Variants in IQGAP2 observed in about 807,000 individuals in gnomAD.
IQGAP2 encodes the protein ras GTPase-activating-like protein IQGAP2.
IQGAP2 carries 173 observed loss-of-function variants against 201.3 expected under a neutral mutation model. The ratio of observed to expected loss-of-function variants is 0.86; its 90% CI spans 0.76 to 0.98. The LOEUF is 0.98. Among genes scored for constraint, IQGAP2 ranks in the 50% least tolerant of loss-of-function variants. IQGAP2 has a pLI of 0.00. For synonymous variants in IQGAP2, 675 were observed against 673.9 expected (o/e 1.00, Z -0.03); for missense variants, 1,687 against 1,864.8 (o/e 0.90, Z 1.76).
chr5:76,497,591 A>C (rs1255602865), intron 2 of IQGAP2, among the ~76,000 whole-genome samples: 1 of 152,194 alleles, frequency 6.6e-6, no homozygotes, highest in Non-Finnish European at 1.5e-5. Flanking sequence ...GGCATTCTTA[A>C]ATGAGAAGTT....
intron 2 of IQGAP2, among the ~76,000 whole-genome samples, chr5:76,485,479 A>G (rs1449068446): frequency 1.3e-5 from 2 of 152,130 alleles, no homozygotes; most frequent in Non-Finnish European, 2.9e-5. Flanking sequence ...CCCCTTGGTT[A>G]TACTTTTCTT....
chr5:76,515,425 G>T (rs865906312), intron 2 of IQGAP2, among the ~76,000 whole-genome samples: 14 of 152,158 alleles, frequency 9.2e-5, no homozygotes, highest in African/African-American at 3.4e-4. Context: ...AAGTGAAAAT[G>T]AGTTGCATAT....
Position 76,617,802 on chromosome 5 carries a change from G to A in IQGAP2, c.1521+6619G>A, listed in dbSNP as rs751645695. On this transcript the variant is annotated intron_variant, in intron 13 of 35. Transcript: ENST00000274364. ...AAAAATCACAAGGATGAGGAGACTC[G>A]CCTTAACATACCACAACCATCTATG... The A allele has an allele frequency of 2.2e-5, 36 of 1,613,490 alleles. 1 individual carries two copies. The highest frequency in any genetic ancestry group is 8.9e-5 in the East Asian group (4 of 44,848).
chr5:76,440,914 C>A (rs1359304855), intron 1 of IQGAP2, among the ~76,000 whole-genome samples: 1 of 152,134 alleles, frequency 6.6e-6, no homozygotes, highest in African/African-American at 2.4e-5. Flanking sequence ...GCCTGTGATC[C>A]CTGCTACTCG....
chr5:76,659,843 C>G (rs1036304970), intron 21 of IQGAP2, among the ~76,000 whole-genome samples: 2 of 152,232 alleles, frequency 1.3e-5, no homozygotes, highest in African/African-American at 4.8e-5. Flanking sequence ...TACAAAGACA[C>G]ACTGCCCCCG....
chr5:76,646,496 C>T (rs758273662), intron 17 of IQGAP2, among the ~76,000 whole-genome samples: 193 of 152,320 alleles, frequency 1.3e-3, no homozygotes, highest in Non-Finnish European at 2.0e-3. Flanking sequence ...ACAAGATCCT[C>T]GGATGATTTT....
At chr5:76,683,255 G>T in intron 29 of IQGAP2, 38 bp downstream of exon 29, 1 of 1,432,654 alleles carries the variant, frequency 7.0e-7, no homozygotes, top group Non-Finnish European at 9.7e-7. Flanking sequence ...CTTGGTTTTT[G>T]TTTAATTGGG....
At chr5:76,589,562 CTCTG>C (rs1433560756) in intron 6 of IQGAP2, 49 bp from the exon 7 acceptor site, 2 of 993,308 alleles carry the variant, frequency 2.0e-6, no homozygotes, top group Admixed American at 2.4e-5. Flanking sequence ...CTGCATCCAT[CTCTG>C]TCTGTAGCTT....
chr5:76,706,681 G>C (rs1561618327), intron 35 of IQGAP2, among the ~76,000 whole-genome samples: 2 of 152,064 alleles, frequency 1.3e-5, no homozygotes, highest in African/African-American at 4.8e-5. Context: ...TATGCATCTA[G>C]CCAGAACTTT....
At chr5:76,419,116 GC>G (rs1751574845) in intron 1 of IQGAP2, among the ~76,000 whole-genome samples, 1 of 152,002 alleles carries the variant, frequency 6.6e-6, no homozygotes, top group African/African-American at 2.4e-5. Context: ...GAATATTCTG[GC>G]ATAGGTGTTT....
intron 32 of IQGAP2, among the ~76,000 whole-genome samples, chr5:76,697,741 C>T (rs1035671070): frequency 1.3e-5 from 2 of 152,206 alleles, no homozygotes; most frequent in African/African-American, 2.4e-5. Context: ...ACTTCTTTGC[C>T]TTTCCATCCA....
chr5:76,657,020 G>A (rs545906353), intron 20 of IQGAP2, among the ~76,000 whole-genome samples: 2 of 152,244 alleles, frequency 1.3e-5, no homozygotes, highest in South Asian at 4.2e-4. Flanking sequence ...TGTAGGAGCA[G>A]ACTATAAAGT....
intron 2 of IQGAP2, among the ~76,000 whole-genome samples, chr5:76,494,487 G>C (rs1297526506): frequency 6.6e-6 from 1 of 151,938 alleles, no homozygotes; most frequent in African/African-American, 2.4e-5. Context: ...ATTATCTTGG[G>C]GGAATTTCAG....
chr5:76,619,867 A>G (rs1034208495), intron 13 of IQGAP2, among the ~76,000 whole-genome samples: 1 of 152,118 alleles, frequency 6.6e-6, no homozygotes, highest in Non-Finnish European at 1.5e-5. Flanking sequence ...GGTGGGTCAA[A>G]TATAATCATA....
At chr5:76,646,605 G>A (rs572027617) in intron 17 of IQGAP2, among the ~76,000 whole-genome samples, 8 of 152,232 alleles carry the variant, frequency 5.3e-5, no homozygotes, top group Non-Finnish European at 1.0e-4. Flanking sequence ...ATCACCATAA[G>A]AGCTTAAGGG....
intron 13 of IQGAP2, among the ~76,000 whole-genome samples, chr5:76,624,025 C>G: frequency 7.0e-6 from 1 of 143,486 alleles, no homozygotes; most frequent in South Asian, 2.3e-4. Context: ...TCCCAAACAA[C>G]GCTGTTCAGT....
chr5:76,556,150 C>T (rs989726933), intron 2 of IQGAP2, among the ~76,000 whole-genome samples: 2 of 152,118 alleles, frequency 1.3e-5, no homozygotes. Flanking sequence ...GTGGTGAATG[C>T]CTCGAGTGTT....
intron 28 of IQGAP2, among the ~76,000 whole-genome samples, chr5:76,677,737 G>A (rs577109473): frequency 7.9e-5 from 12 of 152,184 alleles, no homozygotes; most frequent in African/African-American, 1.7e-4. Flanking sequence ...AGACTAGCCC[G>A]GGCAACATAG....
At chr5:76,597,666 G>GCTTC in intron 10 of IQGAP2, 64 bp downstream of exon 10, 1 of 1,543,620 alleles carries the variant, frequency 6.5e-7, no homozygotes, top group Non-Finnish European at 8.9e-7. Context: ...CACTAGGGAA[G>GCTTC]CCTAGTTAGG....
Sources: allele counts gnomAD v4.1 joint callset (sites outside exome capture counted in the v4.1 genomes callset), GRCh38; gene constraint gnomAD v4.1.1; transcripts MANE v1.5; gene names NCBI Gene and HGNC (gene_info 2026-07-23, HGNC 2026-07-21).